RNF180: variants seen among roughly 807,000 people sequenced by gnomAD.
The protein encoded by RNF180 is ring finger protein 180.
RNF180 carries 38 observed loss-of-function variants against 59.2 expected under a neutral mutation model. The observed-to-expected ratio is 0.64, with a 90% confidence interval of 0.50 to 0.84. The LOEUF is 0.84. Ranked by LOEUF, RNF180 falls within the 40% of genes least tolerant of loss-of-function variation. The pLI is 0.00. For synonymous variants in RNF180, 262 were observed against 240.3 expected (o/e 1.09, Z -0.84); for missense variants, 705 against 700.9 (o/e 1.01, Z -0.07).
intron 5 of RNF180, among the ~76,000 whole-genome samples, chr5:64,266,449 G>A (rs1744687095): frequency 6.6e-6 from 1 of 152,100 alleles, no homozygotes; most frequent in Non-Finnish European, 1.5e-5. Context: ...CCATTATAAT[G>A]TATATCTCTT....
chr5:64,268,255 G>T (rs1355069715), intron 5 of RNF180, among the ~76,000 whole-genome samples: 1 of 152,136 alleles, frequency 6.6e-6, no homozygotes, highest in Non-Finnish European at 1.5e-5. Flanking sequence ...CACAGCAGCA[G>T]AGAGTGTGAA....
intron 7 of RNF180, among the ~76,000 whole-genome samples, chr5:64,340,358 A>T (rs1354658816): frequency 6.6e-6 from 1 of 152,210 alleles, no homozygotes; most frequent in Non-Finnish European, 1.5e-5. Flanking sequence ...ATTTATGACA[A>T]TCCATCCATT....
intron 5 of RNF180, among the ~76,000 whole-genome samples, chr5:64,292,239 C>T (rs1202303739): frequency 6.6e-6 from 1 of 152,092 alleles, no homozygotes; most frequent in Non-Finnish European, 1.5e-5. Flanking sequence ...AGCATTTTTG[C>T]ATTGATTCTG....
chr5:64,307,485 T>A (rs1743534819), intron 5 of RNF180, among the ~76,000 whole-genome samples: 1 of 151,676 alleles, frequency 6.6e-6, no homozygotes, highest in Non-Finnish European at 1.5e-5. Flanking sequence ...CAGAGAAGAC[T>A]TAAAAAGCTA....
intron 7 of RNF180, among the ~76,000 whole-genome samples, chr5:64,359,189 G>A (rs1445680818): frequency 5.3e-5 from 8 of 151,060 alleles, no homozygotes; most frequent in Non-Finnish European, 8.9e-5. Flanking sequence ...TTCCAGTTCT[G>A]GATCCCTGAG....
At chr5:64,311,286 T>A (rs900474657) in intron 5 of RNF180, among the ~76,000 whole-genome samples, 1 of 151,992 alleles carries the variant, frequency 6.6e-6, no homozygotes, top group Admixed American at 6.6e-5. Flanking sequence ...TTGATATAGT[T>A]CAAACTAAAT....
chr5:64,255,482 G>T (rs1485476089), intron 5 of RNF180, among the ~76,000 whole-genome samples: 1 of 152,142 alleles, frequency 6.6e-6, no homozygotes, highest in Non-Finnish European at 1.5e-5. Context: ...AGTTTGCTGA[G>T]AATGATGGTT....
chr5:64,345,554 G>A (rs575146532), intron 7 of RNF180, among the ~76,000 whole-genome samples: 1 of 152,206 alleles, frequency 6.6e-6, no homozygotes, highest in African/African-American at 2.4e-5. Flanking sequence ...GGATTGAAGA[G>A]ATGCAGTCTA....
intron 5 of RNF180, among the ~76,000 whole-genome samples, chr5:64,253,715 T>C (rs1474373692): frequency 1.3e-5 from 2 of 152,126 alleles, no homozygotes; most frequent in African/African-American, 2.4e-5. Context: ...AGAATAACTT[T>C]CATTTTTTTC....
intron 7 of RNF180, among the ~76,000 whole-genome samples, chr5:64,368,147 C>A (rs1195750938): frequency 6.6e-6 from 1 of 151,592 alleles, no homozygotes; most frequent in Non-Finnish European, 1.5e-5. Context: ...CAACAAATCC[C>A]CATGCTTTGA....
chr5:64,277,966 G>A (rs1741816713), intron 5 of RNF180, among the ~76,000 whole-genome samples: 1 of 152,300 alleles, frequency 6.6e-6, no homozygotes, highest in Non-Finnish European at 1.5e-5. Context: ...GAGGGCTGGG[G>A]AAAGTATTGG....
chr5:64,269,120 G>T lies in RNF180; in HGVS notation c.1227+51724G>T, dbSNP rs56959872. Among the ~76,000 whole-genome samples, 1,241 of 152,198 alleles carry T rather than the reference G, an allele frequency of 8.2e-3. 17 individuals carry two copies. The highest frequency in any genetic ancestry group is 0.029 in the African/African-American group (1,185 of 41,512). On this transcript the variant is annotated intron_variant, in intron 5 of 7. Transcript: ENST00000389100. ...TTCCTTTGAGGAATGATTTCAAACA[G>T]TCCATCCAATGATACATTGTTAAAT...
intron 5 of RNF180, among the ~76,000 whole-genome samples, chr5:64,262,344 A>G (rs1744393770): frequency 2.6e-5 from 4 of 152,186 alleles, no homozygotes; most frequent in Admixed American, 2.6e-4. Flanking sequence ...CAATTAATGC[A>G]TCTGTGTGTC....
At chr5:64,277,464 G>A (rs1243281840) in intron 5 of RNF180, among the ~76,000 whole-genome samples, 1 of 152,140 alleles carries the variant, frequency 6.6e-6, no homozygotes, top group African/African-American at 2.4e-5. Context: ...TTTTGTGTGA[G>A]CCAAGGAAAG....
At chr5:64,260,230 C>T (rs1419336895) in intron 5 of RNF180, among the ~76,000 whole-genome samples, 4 of 152,072 alleles carry the variant, frequency 2.6e-5, no homozygotes, top group Non-Finnish European at 2.9e-5. Context: ...AATGGGCCCT[C>T]GTGGCAGTTT....
In RNF180 at chr5:64,192,791, A is replaced by G. The variant is rs533281337; in HGVS notation, c.1-8017A>G. Reference sequence around the variant, plus strand: ...CAGAATAATTGAAGTAACAGTCTCAAAGAGATAATTGCATCCTCATGTTCA... The same window carrying G: ...CAGAATAATTGAAGTAACAGTCTCAGAGAGATAATTGCATCCTCATGTTCA... On this transcript the variant is annotated intron_variant, in intron 1 of 7. Coordinates refer to ENST00000389100, the MANE Select transcript of RNF180 (RefSeq NM_001113561.2). Among the ~76,000 whole-genome samples the G allele has an allele frequency of 2.6e-5, 4 of 151,678 alleles. No homozygotes were observed. In the East Asian group the frequency reaches 7.8e-4, roughly 29 times the overall value.
intron 5 of RNF180, among the ~76,000 whole-genome samples, chr5:64,266,704 A>G (rs1222371998): frequency 6.6e-6 from 1 of 152,194 alleles, no homozygotes; most frequent in African/African-American, 2.4e-5. Flanking sequence ...CAAAATTTAA[A>G]TAATGCAGGG....
intron 7 of RNF180, among the ~76,000 whole-genome samples, chr5:64,358,187 G>T (rs1018795142): frequency 6.6e-6 from 1 of 151,804 alleles, no homozygotes; most frequent in South Asian, 2.1e-4. Flanking sequence ...CCTAAAACAC[G>T]ATGACAGAGC....
chr5:64,188,380 C>T (rs1222755420), intron 1 of RNF180, among the ~76,000 whole-genome samples: 5 of 151,318 alleles, frequency 3.3e-5, no homozygotes, highest in African/African-American at 1.2e-4. Context: ...TTAATGGTTA[C>T]AAATACATTA....
Sources: allele counts gnomAD v4.1 joint callset (sites outside exome capture counted in the v4.1 genomes callset), GRCh38; gene constraint gnomAD v4.1.1; transcripts MANE v1.5; gene names NCBI Gene and HGNC (gene_info 2026-07-23, HGNC 2026-07-21).